Variants in UNKL observed in about 807,000 individuals in gnomAD.
UNKL encodes putative E3 ubiquitin-protein ligase UNKL.
In UNKL, 60 loss-of-function variants were observed where a neutral mutation model predicts 78.0. That is an observed-to-expected ratio of 0.77 (90% confidence interval 0.63 to 0.95). UNKL has a LOEUF of 0.95. Ranked by LOEUF, UNKL falls within the 40% of genes least tolerant of loss-of-function variation. The pLI, the probability that UNKL is intolerant of heterozygous loss-of-function variation, is 0.00. For missense variants in UNKL, 1,159 were observed against 1,045.7 expected (o/e 1.11, Z -1.49); for synonymous variants, 608 against 474.8 (o/e 1.28, Z -3.65).
chr16:1,376,730 G>A (rs2036256298), intron 10 of UNKL, among the ~76,000 whole-genome samples: 1 of 151,948 alleles, frequency 6.6e-6, no homozygotes, highest in African/African-American at 2.4e-5. Flanking sequence ...GCCTGATGCT[G>A]CGGATAGCAC....
In UNKL at chr16:1,414,032, T is replaced by C; in HGVS notation, c.101A>G (p.Glu34Gly). 1.3e-6 allele frequency: 2 copies of C among 1,550,524 alleles called. No homozygotes were observed. Among genetic ancestry groups the C allele is most frequent in the Non-Finnish European group, 1.7e-6 (2 of 1,146,926 alleles). ...HYRYLKEFRT[E>G]QCPLFSQHKC... ...GTGCTGTGAAAACAGGGGGCACTGCTCCGTCCTGAACTCCTTCAGGTACCT... is the reference window on the plus strand; with the variant it reads ...GTGCTGTGAAAACAGGGGGCACTGCCCCGTCCTGAACTCCTTCAGGTACCT... Residue 34 changes from glutamate to glycine, a missense_variant, in exon 2 of 15, where the codon GAG (glutamate) becomes GGG (glycine). Coordinates refer to ENST00000389221, the MANE Select transcript of UNKL (RefSeq NM_001372107.1).
rs1411989619 is a variant in UNKL, at chr16:1,387,499, C to G, written c.1087-2114G>C. Among the ~76,000 whole-genome samples the G allele has an allele frequency of 1.3e-5, 2 of 152,212 alleles. No individual in the cohort carries two copies. Among genetic ancestry groups the G allele is most frequent in the Non-Finnish European group, 2.9e-5 (2 of 68,024 alleles). On this transcript the variant is annotated intron_variant, in intron 9 of 14. Transcript: ENST00000389221. This position sits in a 1 kb window ranked among gnomAD's most constrained non-coding sequence, Gnocchi z 4.1. ...CCAGACATCCAGGAGCAACGCACAC[C>G]TGGGAGCTCCTTGTACCCCGATGGC... is the stretch of plus-strand genomic sequence containing the variant.
intron 2 of UNKL, among the ~76,000 whole-genome samples, chr16:1,406,358 A>G (rs1040309382): frequency 1.3e-5 from 2 of 152,026 alleles, no homozygotes; most frequent in African/African-American, 2.4e-5. Context: ...GATTACAGGC[A>G]CCTGCCACCA....
intron 2 of UNKL, among the ~76,000 whole-genome samples, chr16:1,409,656 T>C (rs1403612102): frequency 6.6e-6 from 1 of 152,140 alleles, no homozygotes; most frequent in Admixed American, 6.6e-5. Flanking sequence ...AACTGCTACT[T>C]GAGCACAGCT....
At chr16:1,394,842 C>T (rs1877835361) in intron 6 of UNKL, among the ~76,000 whole-genome samples, 1 of 152,242 alleles carries the variant, frequency 6.6e-6, no homozygotes, top group Admixed American at 6.5e-5. Flanking sequence ...GGCCCTTCCA[C>T]CACGTCGGGC....
chr16:1,376,400 C>T lies in UNKL; in HGVS notation c.1265-4789G>A, dbSNP rs113455789. ...TCCCTCCAGGGCTGGGGCACTCCTC[C>T]TCCCTCCTCTGAGGGCTTGGGGATG... On this transcript the variant is annotated intron_variant, in intron 10 of 14. Coordinates refer to ENST00000389221, the MANE Select transcript of UNKL (RefSeq NM_001372107.1). Among the ~76,000 whole-genome samples the T allele has an allele frequency of 1.2e-3, 182 of 150,436 alleles. 1 individual carries two copies. The highest frequency in any genetic ancestry group is 3.7e-3 in the African/African-American group (151 of 40,822).
intron 4 of UNKL, 45 bp downstream of exon 4, chr16:1,401,523 G>GGGCGGGCCCCC: frequency 6.8e-7 from 1 of 1,470,342 alleles, no homozygotes; most frequent in Non-Finnish European, 9.1e-7. Flanking sequence ...CTCGCGCTGT[G>GGGCGGGCCCCC]CCCGCCCCCC....
At chr16:1,391,924 G>A (rs747238849) in intron 8 of UNKL, among the ~76,000 whole-genome samples, 3 of 152,156 alleles carry the variant, frequency 2.0e-5, no homozygotes, top group Admixed American at 6.5e-5. Flanking sequence ...CTGACCTCAG[G>A]TGATCCACCC....
At chr16:1,386,274 C>A (rs1011480960) in intron 9 of UNKL, among the ~76,000 whole-genome samples, 1 of 151,840 alleles carries the variant, frequency 6.6e-6, no homozygotes, top group African/African-American at 2.4e-5. Flanking sequence ...TAGCCAAGGC[C>A]GGGCGCGGTG....
At chr16:1,372,568 A>C (rs2141989882) in intron 10 of UNKL, among the ~76,000 whole-genome samples, 1 of 152,200 alleles carries the variant, frequency 6.6e-6, no homozygotes, top group East Asian at 1.9e-4. Context: ...GGAAGCCATC[A>C]TGAGGAGGCT....
At chr16:1,374,246 C>T (rs2036042838) in intron 10 of UNKL, among the ~76,000 whole-genome samples, 1 of 152,240 alleles carries the variant, frequency 6.6e-6, no homozygotes, top group African/African-American at 2.4e-5. Context: ...CGCTGCCCAC[C>T]TTTGGCATCC....
At chr16:1,406,008 C>T (rs967137656) in intron 2 of UNKL, 7 of 456,624 alleles carry the variant, frequency 1.5e-5, no homozygotes, top group African/African-American at 4.0e-5. Context: ...TGTGGTCCCC[C>T]CAGCTGGTGT....
chr16:1,390,828 G>A (rs2037016487), intron 8 of UNKL, 134 bp from the exon 9 acceptor site: 6 of 895,556 alleles, frequency 6.7e-6, no homozygotes, highest in Middle Eastern at 2.6e-4. Flanking sequence ...TCAGGAGTTC[G>A]AGACCAGCCT....
At chr16:1,412,831 G>A (rs970471685) in intron 2 of UNKL, among the ~76,000 whole-genome samples, 1 of 152,176 alleles carries the variant, frequency 6.6e-6, no homozygotes, top group Non-Finnish European at 1.5e-5. Context: ...GCCAAGGAGG[G>A]AGGATCGCTG....
At chr16:1,413,363 G>C (rs1276908212) in intron 2 of UNKL, among the ~76,000 whole-genome samples, 1 of 151,596 alleles carries the variant, frequency 6.6e-6, no homozygotes, top group Non-Finnish European at 1.5e-5. Context: ...GAGGTTGGGA[G>C]TTCGAGACAA....
At chr16:1,385,853 C>CTTT (rs2036792778) in intron 9 of UNKL, among the ~76,000 whole-genome samples, 1 of 152,216 alleles carries the variant, frequency 6.6e-6, no homozygotes, top group Admixed American at 6.5e-5. Context: ...CTCCCAGGGA[C>CTTT]TTAAAAAGAG....
intron 9 of UNKL, among the ~76,000 whole-genome samples, chr16:1,389,266 G>C (rs1453288110): frequency 1.3e-5 from 2 of 152,166 alleles, no homozygotes; most frequent in African/African-American, 4.8e-5. Context: ...TTTGGAGATA[G>C]GGCCTGTGAG....
intron 6 of UNKL, 144 bp downstream of exon 6, chr16:1,397,034 C>T (rs999837336): frequency 9.4e-6 from 8 of 847,378 alleles, no homozygotes; most frequent in Non-Finnish European, 1.5e-5. Context: ...GCCCTCATGC[C>T]TCCACCCCCA....
intron 8 of UNKL, among the ~76,000 whole-genome samples, chr16:1,391,487 C>T (rs1331155818): frequency 1.3e-5 from 2 of 152,104 alleles, no homozygotes; most frequent in Admixed American, 6.6e-5. Flanking sequence ...TCTGTAGAGA[C>T]AGGGTCTTGT....
Sources: allele counts gnomAD v4.1 joint callset (sites outside exome capture counted in the v4.1 genomes callset), GRCh38; gene constraint gnomAD v4.1.1; non-coding constraint Gnocchi (gnomAD v3.1); transcripts MANE v1.5; gene names NCBI Gene and HGNC (gene_info 2026-07-23, HGNC 2026-07-21).